Variants in MRPS31 observed in about 807,000 individuals in gnomAD.
MRPS31 encodes the protein small ribosomal subunit protein mS31.
MRPS31 carries 32 observed loss-of-function variants against 43.1 expected under a neutral mutation model. The observed-to-expected ratio is 0.74, with a 90% CI of 0.56 to 1.00. The LOEUF (loss-of-function observed/expected upper bound fraction) is 1.00, where lower values mean the gene tolerates loss of function less well. Ranked by LOEUF, MRPS31 falls within the 50% of genes least tolerant of loss-of-function variation. The pLI is 0.00. For synonymous variants in MRPS31, 165 were observed against 161.6 expected (o/e 1.02, Z -0.16); for missense variants, 437 against 466.7 (o/e 0.94, Z 0.59).
intron 6 of MRPS31, among the ~76,000 whole-genome samples, chr13:40,731,856 A>G (rs1327077253): frequency 6.6e-6 from 1 of 152,174 alleles, no homozygotes; most frequent in Non-Finnish European, 1.5e-5. Flanking sequence ...ATATCAGATA[A>G]AGTAGATCAA....
chr13:40,731,228 G>T, intron 6 of MRPS31: 1 of 158,860 alleles, frequency 6.3e-6, no homozygotes, highest in Non-Finnish European at 1.3e-5. Context: ...ACTCTAGCCT[G>T]GGCGACAGAG....
At chr13:40,744,691 T>C (rs1264584691) in intron 6 of MRPS31, among the ~76,000 whole-genome samples, 1 of 152,042 alleles carries the variant, frequency 6.6e-6, no homozygotes, top group Non-Finnish European at 1.5e-5. Context: ...GCAAAGACAT[T>C]ATACACTCCA....
intron 5 of MRPS31, among the ~76,000 whole-genome samples, chr13:40,752,015 C>T (rs1880403654): frequency 6.6e-6 from 1 of 151,908 alleles, no homozygotes; most frequent in Non-Finnish European, 1.5e-5. Flanking sequence ...GCTGCCCTGA[C>T]AACCAATTTC....
At chr13:40,738,826 A>G (rs1879999181) in intron 6 of MRPS31, among the ~76,000 whole-genome samples, 1 of 152,224 alleles carries the variant, frequency 6.6e-6, no homozygotes, top group Non-Finnish European at 1.5e-5. Flanking sequence ...CCCACAGCCA[A>G]TATCATACTG....
intron 6 of MRPS31, among the ~76,000 whole-genome samples, chr13:40,737,748 A>C (rs1177938181): frequency 6.6e-6 from 1 of 152,212 alleles, no homozygotes; most frequent in African/African-American, 2.4e-5. Flanking sequence ...ACGAGAACAA[A>C]GACACAACAA....
At chr13:40,735,521 A>C (rs1490410585) in intron 6 of MRPS31, among the ~76,000 whole-genome samples, 1 of 152,114 alleles carries the variant, frequency 6.6e-6, no homozygotes, top group African/African-American at 2.4e-5. Flanking sequence ...CTGCAGACTT[A>C]AATGTCCCTG....
chr13:40,770,919 G>A (rs1880988433), intron 1 of MRPS31, 66 bp downstream of exon 1: 6 of 1,590,418 alleles, frequency 3.8e-6, no homozygotes, highest in Admixed American at 1.7e-5. Context: ...CCCAGCAGGT[G>A]GTAACATCGA....
At position 40,749,166 on chromosome 13, in the gene MRPS31, T is replaced by G. The variant is rs142931494; in HGVS notation, c.930A>C (p.Leu310=). ...ELIQWTKEGK[L]WEFPINNEAG... Reference sequence around the variant, plus strand: ...CTTCATTGTTAATTGGGAACTCCCATAGTTTCCCCTCTTTTGTCCACTGGA... The same window carrying G: ...CTTCATTGTTAATTGGGAACTCCCAGAGTTTCCCCTCTTTTGTCCACTGGA... The change falls in exon 6 of 7, where the codon CTA becomes CTC. Residue 310 remains leucine (L), a synonymous_variant. Transcript: ENST00000323563. 6.2e-7 allele frequency: 1 copy of G among 1,600,466 alleles called. No individual in the cohort carries two copies. The highest frequency in any genetic ancestry group is 1.8e-5 in the Admixed American group (1 of 56,222).
intron 6 of MRPS31, among the ~76,000 whole-genome samples, chr13:40,735,842 AG>A (rs1378378894): frequency 1.3e-5 from 2 of 150,940 alleles, no homozygotes; most frequent in African/African-American, 4.9e-5. Context: ...AAAACAGAAC[AG>A]AAAAACTGGA....
At chr13:40,767,348 G>C (rs1386852213) in intron 1 of MRPS31, among the ~76,000 whole-genome samples, 1 of 151,882 alleles carries the variant, frequency 6.6e-6, no homozygotes, top group African/African-American at 2.4e-5. Context: ...GCAAAGATGG[G>C]GTTTCCCCAT....
intron 3 of MRPS31, among the ~76,000 whole-genome samples, chr13:40,758,731 T>G (rs1342071191): frequency 6.6e-6 from 1 of 152,256 alleles, no homozygotes; most frequent in Non-Finnish European, 1.5e-5. Flanking sequence ...AAACTGTAAC[T>G]TCCTAAAAGG....
rs780883491 is a variant in MRPS31, at chr13:40,754,105, A to C, written c.741-13T>G. 1 of 1,406,120 alleles carries C rather than the reference A, an allele frequency of 7.1e-7. No individual in the cohort carries two copies. Among genetic ancestry groups the C allele is most frequent in the South Asian group, 1.2e-5 (1 of 81,508 alleles). The allele number at this position is 1,406,120 out of a possible 1,614,324, so 87.1% of individuals were successfully genotyped here. A position where few individuals can be genotyped will look rare whatever the true frequency, so the allele number is the denominator to read the frequency against. ...GAATATATTTTTCCTAAGTCCAAAA[A>C]AAGAAAATAACATTTTAATGAATAT... On this transcript the variant is annotated splice_polypyrimidine_tract_variant and intron_variant, in intron 4 of 6. Coordinates refer to ENST00000323563, the MANE Select transcript of MRPS31 (RefSeq NM_005830.4).
intron 6 of MRPS31, among the ~76,000 whole-genome samples, chr13:40,732,979 G>A (rs1379407316): frequency 7.4e-6 from 1 of 135,284 alleles, no homozygotes; most frequent in Non-Finnish European, 1.6e-5. Context: ...AAGAAGAACA[G>A]CAACAATGCA....
At chr13:40,735,292 T>C (rs796323266) in intron 6 of MRPS31, among the ~76,000 whole-genome samples, 2 of 151,962 alleles carry the variant, frequency 1.3e-5, no homozygotes, top group African/African-American at 4.8e-5. Flanking sequence ...GCCCACGGAG[T>C]CTCGCTGATT....
At chr13:40,762,318 T>A (rs1656467686) in intron 2 of MRPS31, among the ~76,000 whole-genome samples, 3 of 152,216 alleles carry the variant, frequency 2.0e-5, no homozygotes, top group Non-Finnish European at 4.4e-5. Flanking sequence ...CTATCCTCTA[T>A]GCCTGAAAAG....
At chr13:40,760,326 C>T (rs986569409) in intron 2 of MRPS31, among the ~76,000 whole-genome samples, 2 of 151,638 alleles carry the variant, frequency 1.3e-5, no homozygotes, top group Admixed American at 1.3e-4. Context: ...ACCTGTTTCT[C>T]AAAATCCTAC....
At chr13:40,769,411 T>C (rs1471685062) in intron 1 of MRPS31, among the ~76,000 whole-genome samples, 4 of 94,384 alleles carry the variant, frequency 4.2e-5, no homozygotes, top group African/African-American at 2.1e-4. Flanking sequence ...TATATATATA[T>C]ATATATATAT....
rs1278856110 is a variant in MRPS31, at chr13:40,756,874, T to A, written c.739A>T (p.Arg247Trp). Residue 247 changes from arginine (R) to tryptophan (W), a missense_variant and splice_region_variant, in exon 4 of 7, where the codon AGG becomes TGG. Transcript: ENST00000323563. Reference protein sequence around the residue: ...GQEKTDDLKKRKNIFTGKRLN... With the variant: ...GQEKTDDLKKWKNIFTGKRLN... ...CCAGCAGATTACAAAGCCTGATACC[T>A]TTTTTTAAGATCATCCGTCTTCTCC... is the stretch of plus-strand genomic sequence containing the variant. The A allele has an allele frequency of 2.5e-6, 4 of 1,610,032 alleles. No homozygotes were observed. Among genetic ancestry groups the A allele is most frequent in the Non-Finnish European group, 3.4e-6 (4 of 1,178,514 alleles).
intron 1 of MRPS31, chr13:40,770,652 G>A: frequency 3.0e-6 from 1 of 331,056 alleles, no homozygotes; most frequent in Non-Finnish European, 5.8e-6. Flanking sequence ...TGTTTTTCGA[G>A]TTTTTCAGTA....
Sources: allele counts gnomAD v4.1 joint callset (sites outside exome capture counted in the v4.1 genomes callset), GRCh38; gene constraint gnomAD v4.1.1; transcripts MANE v1.5; gene names NCBI Gene and HGNC (gene_info 2026-07-23, HGNC 2026-07-21).